Variants in DENND5A observed in about 807,000 individuals in gnomAD.
DENND5A encodes the protein DENN domain containing 5A.
In DENND5A, 64 loss-of-function variants were observed where a neutral mutation model predicts 140.3. That is an observed-to-expected ratio of 0.46 (90% CI 0.37 to 0.56). The LOEUF is 0.56. DENND5A is among the 20% of genes least tolerant of loss of function. DENND5A has a pLI of 0.00. For missense variants in DENND5A, 1,292 were observed against 1,593.8 expected (o/e 0.81, Z 3.22); for synonymous variants, 605 against 607.7 (o/e 1.00, Z 0.07).
At position 9,264,956 on chromosome 11, in the gene DENND5A, C is replaced by G; in HGVS notation, c.109+5G>C. On this transcript the variant is annotated splice_donor_5th_base_variant and intron_variant, in intron 1 of 22. Coordinates refer to ENST00000328194, the MANE Select transcript of DENND5A (RefSeq NM_015213.4). ...GAAAGCGCCCCGGGCTCGGCGCGCA[C>G]TCACCCGACAGCTCGTCCGGCTCCA... 1 of 1,571,316 alleles carries G rather than the reference C, an allele frequency of 6.4e-7. No homozygotes were observed. The highest frequency in any genetic ancestry group is 8.6e-7 in the Non-Finnish European group (1 of 1,160,350).
rs1255492535 is a variant in DENND5A at position 9,147,094 on chromosome 11, G to A, written c.2793C>T (p.Leu931=). The part of the protein sequence containing the change: ...LRCDDEKEQF[L]YHLLSFNAVD... ...CGGCATTGAAAGACAGGAGGTGATA[G>A]AGGAACTGCTCCTTCTCGTCATCAC... is the stretch of plus-strand genomic sequence containing the variant. The change falls in exon 16 of 23, where the codon CTC becomes CTT. Residue 931 remains leucine, a synonymous_variant. Transcript: ENST00000328194. 1.2e-6 allele frequency: 2 copies of A among 1,614,096 alleles called. No homozygotes were observed. The highest frequency in any genetic ancestry group is 3.3e-5 in the Admixed American group (2 of 60,026).
chr11:9,216,590 G>A (rs557229248), intron 1 of DENND5A, among the ~76,000 whole-genome samples: 4 of 152,344 alleles, frequency 2.6e-5, no homozygotes, highest in Admixed American at 2.6e-4. Context: ...TAAAGATGGA[G>A]CTAAAAACAG....
At chr11:9,179,547 T>G (rs887482738) in intron 6 of DENND5A, among the ~76,000 whole-genome samples, 3 of 150,206 alleles carry the variant, frequency 2.0e-5, no homozygotes, top group Non-Finnish European at 3.0e-5. Flanking sequence ...TTGCCCAGGC[T>G]GGAGTGCAAT....
At chr11:9,180,648 T>C in intron 6 of DENND5A, 119 bp downstream of exon 6, 3 of 972,648 alleles carry the variant, frequency 3.1e-6, no homozygotes, top group Non-Finnish European at 4.6e-6. Context: ...GAACATTCTT[T>C]CACTGCTCAC....
At chr11:9,209,564 G>A (rs186914185) in intron 1 of DENND5A, among the ~76,000 whole-genome samples, 1 of 152,222 alleles carries the variant, frequency 6.6e-6, no homozygotes, top group Non-Finnish European at 1.5e-5. Context: ...AGGACTATAC[G>A]GGGTGCCAAA....
chr11:9,236,733 A>T (rs1252975796), intron 1 of DENND5A, among the ~76,000 whole-genome samples: 1 of 88,656 alleles, frequency 1.1e-5, no homozygotes, highest in African/African-American at 5.4e-5. Flanking sequence ...AAGAAAAAGA[A>T]AAAGATGAAA....
At chr11:9,161,100 C>T (rs1049782106) in intron 11 of DENND5A, among the ~76,000 whole-genome samples, 1 of 152,214 alleles carries the variant, frequency 6.6e-6, no homozygotes. Context: ...GTAATCCCAG[C>T]ACTCTGGGAG....
intron 1 of DENND5A, among the ~76,000 whole-genome samples, chr11:9,212,198 T>C (rs549698754): frequency 6.6e-6 from 1 of 151,978 alleles, no homozygotes. Context: ...CCAGCCTAGG[T>C]AACACAGCAA....
intron 11 of DENND5A, 90 bp from the exon 12 acceptor site, chr11:9,160,955 C>G: frequency 7.7e-7 from 1 of 1,297,964 alleles, no homozygotes; most frequent in Non-Finnish European, 1.1e-6. Context: ...CACAGTACAT[C>G]TGTTGGGCTG....
intron 1 of DENND5A, among the ~76,000 whole-genome samples, chr11:9,243,230 C>T (rs772007899): frequency 2.6e-5 from 4 of 151,884 alleles, no homozygotes; most frequent in Non-Finnish European, 5.9e-5. Flanking sequence ...GTTAACAGAG[C>T]TAGATGGGCA....
intron 1 of DENND5A, among the ~76,000 whole-genome samples, chr11:9,226,055 G>A (rs929325058): frequency 1.3e-5 from 2 of 151,946 alleles, no homozygotes; most frequent in Non-Finnish European, 2.9e-5. Context: ...ACTCCAGCCT[G>A]GGCAACAGAG....
chr11:9,222,800 G>A (rs1850365801), intron 1 of DENND5A, among the ~76,000 whole-genome samples: 2 of 152,184 alleles, frequency 1.3e-5, no homozygotes, highest in African/African-American at 4.8e-5. Flanking sequence ...GAAAAGCAAA[G>A]AGGCCTCAAG....
chr11:9,168,260 G>C (rs967452383), intron 10 of DENND5A, among the ~76,000 whole-genome samples: 1 of 151,942 alleles, frequency 6.6e-6, no homozygotes, highest in Non-Finnish European at 1.5e-5. Context: ...TCTTTCCTGA[G>C]CTGTTCTCGT....
At chr11:9,184,706 G>C (rs1848849074) in intron 5 of DENND5A, among the ~76,000 whole-genome samples, 1 of 152,198 alleles carries the variant, frequency 6.6e-6, no homozygotes, top group Non-Finnish European at 1.5e-5. Flanking sequence ...GAAATTAAGA[G>C]AAATTAAGAA....
rs1590324056 is a variant in DENND5A, at chr11:9,240,525, C to T, written c.109+24436G>A. 3.3e-5 allele frequency among the ~76,000 whole-genome samples: 5 copies of T among 152,104 alleles called. No homozygotes were observed. In the South Asian group the frequency reaches 8.3e-4, roughly 25 times the overall value. ...AGGAGTTAGAGACCAGCCTGGGCAA[C>T]GTGGTGAAAACCCATCGCTAGAAAA... is the stretch of plus-strand genomic sequence containing the variant. On this transcript the variant is annotated intron_variant, in intron 1 of 22. Transcript: ENST00000328194.
At chr11:9,154,967 G>A (rs1296694692) in intron 12 of DENND5A, among the ~76,000 whole-genome samples, 1 of 151,860 alleles carries the variant, frequency 6.6e-6, no homozygotes, top group African/African-American at 2.4e-5. Flanking sequence ...CTGGCCAACA[G>A]GAGGAAACCC....
chr11:9,237,127 A>G (rs963698084), intron 1 of DENND5A, among the ~76,000 whole-genome samples: 2 of 152,210 alleles, frequency 1.3e-5, no homozygotes, highest in Non-Finnish European at 2.9e-5. Flanking sequence ...TTAAAACAAG[A>G]TATGTTTGGG....
intron 1 of DENND5A, among the ~76,000 whole-genome samples, chr11:9,256,628 G>A (rs1366506358): frequency 1.3e-5 from 2 of 152,136 alleles, no homozygotes; most frequent in African/African-American, 4.8e-5. Context: ...AGTGAAAGAA[G>A]CCAGTAACAA....
intron 8 of DENND5A, among the ~76,000 whole-genome samples, chr11:9,173,551 C>T (rs1451752699): frequency 6.6e-6 from 1 of 152,198 alleles, no homozygotes; most frequent in Non-Finnish European, 1.5e-5. Flanking sequence ...GACAGGGTCT[C>T]ATCATGTGAT....
Sources: gnomAD v4.1 joint callset for allele counts (sites outside exome capture counted in the v4.1 genomes callset) on GRCh38, gnomAD v4.1.1 for gene constraint, MANE v1.5 for transcripts, NCBI Gene and HGNC (gene_info 2026-07-23, HGNC 2026-07-21) for gene names.